The following PTPRN2 variants were observed in gnomAD, a reference collection of about 807,000 sequenced individuals.
The protein encoded by PTPRN2 is protein tyrosine phosphatase receptor type N2, also known as receptor-type tyrosine-protein phosphatase N2.
A neutral mutation model predicts 118.8 loss-of-function variants in PTPRN2; 74 were observed. The ratio of observed to expected loss-of-function variants is 0.62; its 90% CI spans 0.52 to 0.76. The LOEUF (loss-of-function observed/expected upper bound fraction) is 0.76, where lower values mean the gene tolerates loss of function less well. Ranked by LOEUF, PTPRN2 falls within the 30% of genes least tolerant of loss-of-function variation. PTPRN2 has a pLI of 0.00. For missense variants in PTPRN2, 1,481 were observed against 1,394.4 expected, an observed-to-expected ratio of 1.06 and a Z score of -0.99; for synonymous variants, 641 against 608.0, an observed-to-expected ratio of 1.05 and a Z score of -0.80.
chr7:158,551,020 G>A (rs945314993), intron 1 of PTPRN2, among the ~76,000 whole-genome samples: 2 of 152,214 alleles, frequency 1.3e-5, no homozygotes, highest in African/African-American at 2.4e-5. Flanking sequence ...CACCAGCAGC[G>A]ACCGTGAGCA....
chr7:157,555,153 C>T (rs528984864), intron 21 of PTPRN2, among the ~76,000 whole-genome samples: 1 of 152,360 alleles, frequency 6.6e-6, no homozygotes, highest in South Asian at 2.1e-4. Flanking sequence ...CCACTGGGTA[C>T]CATCCCGTGC....
intron 11 of PTPRN2, among the ~76,000 whole-genome samples, chr7:157,907,174 C>T (rs770013123): frequency 7.2e-5 from 11 of 152,224 alleles, no homozygotes; most frequent in Admixed American, 2.6e-4. Context: ...TGGGGTACCC[C>T]GTGACCGAGC....
intron 15 of PTPRN2, among the ~76,000 whole-genome samples, chr7:157,607,564 C>T (rs556647818): frequency 1.1e-3 from 169 of 152,364 alleles, no homozygotes; most frequent in Middle Eastern, 3.4e-3. Flanking sequence ...GGCTTGGTCT[C>T]GTGCTTTGAT....
At chr7:157,810,002 C>A (rs1466729939) in intron 12 of PTPRN2, among the ~76,000 whole-genome samples, 3 of 152,170 alleles carry the variant, frequency 2.0e-5, no homozygotes, top group Admixed American at 2.0e-4. Flanking sequence ...GATCAGGGAA[C>A]CGCCAGGCCG....
intron 2 of PTPRN2, among the ~76,000 whole-genome samples, chr7:158,365,383 C>A (rs1809355064): frequency 6.6e-6 from 1 of 152,144 alleles, no homozygotes; most frequent in Admixed American, 6.5e-5. Context: ...GTCTTCCCTT[C>A]CTCACCCCTC....
chr7:158,384,865 G>A (rs1183003235), intron 2 of PTPRN2, among the ~76,000 whole-genome samples: 1 of 152,150 alleles, frequency 6.6e-6, no homozygotes, highest in East Asian at 1.9e-4. Flanking sequence ...AAACACAGAT[G>A]TCAGGGTGCA....
At chr7:157,938,290 C>A (rs1461931999) in intron 11 of PTPRN2, among the ~76,000 whole-genome samples, 1 of 152,242 alleles carries the variant, frequency 6.6e-6, no homozygotes, top group East Asian at 1.9e-4. Flanking sequence ...GCAGGGGAGA[C>A]ATCGCACAGG....
At chr7:157,668,635 G>T (rs935784892) in intron 13 of PTPRN2, among the ~76,000 whole-genome samples, 11 of 152,220 alleles carry the variant, frequency 7.2e-5, no homozygotes, top group Non-Finnish European at 8.8e-5. Flanking sequence ...GTTTGGGGAG[G>T]GCCCTGGCCT....
intron 12 of PTPRN2, among the ~76,000 whole-genome samples, chr7:157,772,533 A>C (rs1358628748): frequency 6.6e-6 from 1 of 152,178 alleles, no homozygotes; most frequent in Non-Finnish European, 1.5e-5. Flanking sequence ...GAGGCCCCTG[A>C]TCCAGGTGCA....
At chr7:158,582,963 C>T (rs1410894158) in intron 1 of PTPRN2, among the ~76,000 whole-genome samples, 1 of 152,058 alleles carries the variant, frequency 6.6e-6, no homozygotes, top group Non-Finnish European at 1.5e-5. Flanking sequence ...TAAGGTAACC[C>T]TCCAAGAGGC....
rs186367527 is a variant in PTPRN2, at chr7:158,104,649, T to A, written c.1643+6180A>T. On this transcript the variant is annotated intron_variant, in intron 10 of 22. Transcript: ENST00000389418. Reference sequence around the variant, plus strand: ...CATCCCAGCTCCATCCCAAAATCCATCCCAGCTCCAACCAGCACCAACCGC... The same window carrying A: ...CATCCCAGCTCCATCCCAAAATCCAACCCAGCTCCAACCAGCACCAACCGC... Among the ~76,000 whole-genome samples, 258 of 151,534 alleles carry A rather than the reference T, an allele frequency of 1.7e-3. 2 individuals are homozygous for A. The East Asian group carries it at 0.035, about 20-fold the overall frequency.
At chr7:158,463,049 T>C (rs1024966781) in intron 2 of PTPRN2, among the ~76,000 whole-genome samples, 8 of 152,260 alleles carry the variant, frequency 5.3e-5, no homozygotes, top group Admixed American at 3.3e-4. Flanking sequence ...CACATTACAG[T>C]CAACTGTACT....
intron 5 of PTPRN2, among the ~76,000 whole-genome samples, chr7:158,177,803 G>A (rs1824349644): frequency 6.6e-6 from 1 of 152,188 alleles, no homozygotes; most frequent in Non-Finnish European, 1.5e-5. Context: ...TCAGTTGTGG[G>A]CATTTACTAT....
intron 2 of PTPRN2, among the ~76,000 whole-genome samples, chr7:158,378,941 G>A (rs1348274402): frequency 1.3e-5 from 2 of 152,222 alleles, no homozygotes; most frequent in African/African-American, 4.8e-5. Flanking sequence ...TCCCAGTCCT[G>A]TCATCTGTGA....
At chr7:158,249,158 CCA>C (rs1470548023) in intron 3 of PTPRN2, among the ~76,000 whole-genome samples, 5 of 151,846 alleles carry the variant, frequency 3.3e-5, no homozygotes, top group East Asian at 1.9e-4. Flanking sequence ...ATTCATATCA[CCA>C]CACACGTGCA....
In PTPRN2 at chr7:157,627,971, C is replaced by T. The variant is rs547597132; in HGVS notation, c.2197-6462G>A. The stretch of plus-strand genomic sequence containing the variant: ...AGATATGAACTCAATCTAAGGTTTC[C>T]CCTGTCATCCTTCTCCCGTTTCTGA... On this transcript the variant is annotated intron_variant, in intron 14 of 22. Transcript: ENST00000389418. The surrounding 1 kb of genome is among the most constrained non-coding windows in gnomAD (Gnocchi z 4.2). Among the ~76,000 whole-genome samples, 3 of 152,304 alleles carry T rather than the reference C, an allele frequency of 2.0e-5. No homozygotes were observed. Among genetic ancestry groups the T allele is most frequent in the African/African-American group, 7.2e-5 (3 of 41,560 alleles).
intron 12 of PTPRN2, among the ~76,000 whole-genome samples, chr7:157,761,925 T>C (rs1802156068): frequency 1.3e-5 from 2 of 152,074 alleles, no homozygotes; most frequent in East Asian, 3.9e-4. Flanking sequence ...CATCAAAAAG[T>C]GGGCGAAGAA....
At chr7:157,872,320 C>T (rs1239919617) in intron 12 of PTPRN2, among the ~76,000 whole-genome samples, 1 of 146,750 alleles carries the variant, frequency 6.8e-6, no homozygotes, top group African/African-American at 2.5e-5. Flanking sequence ...GTGTCCTCCC[C>T]ACACACCCAT....
Position 158,196,346 on chromosome 7 carries a change from C to T in PTPRN2, c.381-3851G>A, listed in dbSNP as rs898536307. Among the ~76,000 whole-genome samples, 7 of 152,328 alleles carry T rather than the reference C, an allele frequency of 4.6e-5. No homozygotes were observed. The South Asian group carries it at 1.4e-3, about 32-fold the overall frequency. On this transcript the variant is annotated intron_variant, in intron 4 of 22. Transcript: ENST00000389418. Reference sequence around the variant, plus strand: ...ATCAACTCTGGCAGGCCACTGAGCACCACTGTCCCTGAGGCAGCTGGGGGC... The same window carrying T: ...ATCAACTCTGGCAGGCCACTGAGCATCACTGTCCCTGAGGCAGCTGGGGGC...
Sources: gnomAD v4.1 joint callset for allele counts (sites outside exome capture counted in the v4.1 genomes callset) on GRCh38, gnomAD v4.1.1 for gene constraint, Gnocchi (gnomAD v3.1) non-coding constraint, MANE v1.5 for transcripts, NCBI Gene and HGNC (gene_info 2026-07-23, HGNC 2026-07-21) for gene names.